Variants in GRM5 observed in about 807,000 individuals in gnomAD.
The protein encoded by GRM5 is glutamate metabotropic receptor 5, also known as metabotropic glutamate receptor 5.
In GRM5, 19 loss-of-function variants were observed where a neutral mutation model predicts 83.1. The observed-to-expected ratio is 0.23, with a 90% CI of 0.16 to 0.34. The LOEUF is 0.34. GRM5 is among the 10% of genes least tolerant of loss of function. The pLI is 1.00. For missense variants in GRM5, 1,160 were observed against 1,588.3 expected (o/e 0.73, Z 4.58); for synonymous variants, 675 against 633.6 (o/e 1.07, Z -0.98).
intron 2 of GRM5, among the ~76,000 whole-genome samples, chr11:88,942,314 C>T (rs945303464): frequency 3.3e-5 from 5 of 151,952 alleles, no homozygotes; most frequent in African/African-American, 1.2e-4. Flanking sequence ...AAGATGTTAA[C>T]AAATGGTGAG....
chr11:88,850,843 A>G (rs1234209940), intron 2 of GRM5, among the ~76,000 whole-genome samples: 1 of 149,464 alleles, frequency 6.7e-6, no homozygotes, highest in East Asian at 2.0e-4. Flanking sequence ...AAATTTGGGG[A>G]CTAAGGACAA....
chr11:88,699,396 T>C (rs958031365), intron 3 of GRM5, among the ~76,000 whole-genome samples: 1 of 152,142 alleles, frequency 6.6e-6, no homozygotes, highest in Non-Finnish European at 1.5e-5. Context: ...TCCTTTAAAA[T>C]GTGTGCAGTA....
chr11:88,643,440 A>G (rs934820972), intron 4 of GRM5, among the ~76,000 whole-genome samples: 3 of 152,196 alleles, frequency 2.0e-5, no homozygotes, highest in Non-Finnish European at 4.4e-5. Context: ...AGCAGAAACA[A>G]ATATCCAAAC....
intron 2 of GRM5, among the ~76,000 whole-genome samples, chr11:89,012,595 A>G (rs1288991337): frequency 6.6e-6 from 1 of 152,248 alleles, no homozygotes; most frequent in Non-Finnish European, 1.5e-5. Context: ...ATCCACTAAG[A>G]GAATCAAGAA....
At chr11:88,753,080 T>C (rs1378576128) in intron 3 of GRM5, among the ~76,000 whole-genome samples, 2 of 152,076 alleles carry the variant, frequency 1.3e-5, no homozygotes, top group African/African-American at 4.8e-5. Context: ...CCAAAAGCAA[T>C]TGCAACAAAA....
intron 4 of GRM5, among the ~76,000 whole-genome samples, chr11:88,617,803 G>A (rs145777280): frequency 3.3e-5 from 5 of 152,238 alleles, no homozygotes; most frequent in South Asian, 2.1e-4. Context: ...GGTGATCTCA[G>A]GGACAGAAAG....
At chr11:88,700,906 A>G (rs1941018088) in intron 3 of GRM5, among the ~76,000 whole-genome samples, 1 of 152,172 alleles carries the variant, frequency 6.6e-6, no homozygotes, top group Non-Finnish European at 1.5e-5. Flanking sequence ...AACAGCTTTA[A>G]CCAATACAGT....
At chr11:88,885,653 A>G (rs1945032797) in intron 2 of GRM5, among the ~76,000 whole-genome samples, 1 of 151,878 alleles carries the variant, frequency 6.6e-6, no homozygotes, top group Non-Finnish European at 1.5e-5. Context: ...CAAACCAAAG[A>G]GGCAATATGC....
chr11:88,587,666 A>C (rs909282781), intron 7 of GRM5, among the ~76,000 whole-genome samples: 1 of 152,106 alleles, frequency 6.6e-6, no homozygotes, highest in African/African-American at 2.4e-5. Context: ...GCAGGTCATA[A>C]AACTCTCATT....
chr11:89,022,055 C>T lies in GRM5; in HGVS notation c.661+25157G>A, dbSNP rs185606388. ...GTGATAGATCATATCCTGGGAGGGG[C>T]TGGTGAAATATTTTTCCCCAGCATA... On this transcript the variant is annotated intron_variant, in intron 2 of 9. Coordinates refer to ENST00000305447, the MANE Select transcript of GRM5 (RefSeq NM_001143831.3). Among the ~76,000 whole-genome samples the T allele has an allele frequency of 2.0e-5, 3 of 152,162 alleles. No homozygotes were observed. In the East Asian group the frequency reaches 5.8e-4, roughly 29 times the overall value.
intron 4 of GRM5, among the ~76,000 whole-genome samples, chr11:88,612,074 G>A (rs992961228): frequency 4.7e-5 from 7 of 149,222 alleles, no homozygotes; most frequent in East Asian, 4.0e-4. Context: ...CCACTAACTC[G>A]TCATCTAGCA....
At chr11:88,913,544 T>A (rs1462679022) in intron 2 of GRM5, among the ~76,000 whole-genome samples, 2 of 150,146 alleles carry the variant, frequency 1.3e-5, no homozygotes, top group Non-Finnish European at 3.0e-5. Flanking sequence ...TTGGTCCCTC[T>A]TTTACAGTTC....
chr11:88,871,521 G>A (rs538680893), intron 2 of GRM5, among the ~76,000 whole-genome samples: 2 of 151,698 alleles, frequency 1.3e-5, no homozygotes, highest in Admixed American at 1.3e-4. Flanking sequence ...ACCTGTAGCA[G>A]CACTGTCTTA....
intron 7 of GRM5, among the ~76,000 whole-genome samples, 196 bp from the exon 8 acceptor site, chr11:88,568,188 A>G (rs998488244): frequency 1.3e-5 from 2 of 152,186 alleles, no homozygotes; most frequent in African/African-American, 4.8e-5. Context: ...GAACATGTAC[A>G]TGGTCTGTGA....
At chr11:88,778,002 G>T (rs529173157) in intron 3 of GRM5, among the ~76,000 whole-genome samples, 34 of 151,068 alleles carry the variant, frequency 2.3e-4, no homozygotes, top group African/African-American at 7.9e-4. Context: ...GTCAGACAGG[G>T]ACGTTTAAGT....
intron 8 of GRM5, among the ~76,000 whole-genome samples, chr11:88,566,406 G>T (rs1048380166): frequency 6.6e-6 from 1 of 152,176 alleles, no homozygotes; most frequent in African/African-American, 2.4e-5. Context: ...CTTGGGGTGG[G>T]ATGAGACTAT....
At chr11:88,903,159 C>G (rs1007351163) in intron 2 of GRM5, among the ~76,000 whole-genome samples, 2 of 151,736 alleles carry the variant, frequency 1.3e-5, no homozygotes, top group African/African-American at 2.4e-5. Flanking sequence ...GAAGCAAATG[C>G]GAAGGCCCTG....
chr11:89,049,753 T>C (rs1350505418), intron 1 of GRM5, among the ~76,000 whole-genome samples: 1 of 152,158 alleles, frequency 6.6e-6, no homozygotes, highest in African/African-American at 2.4e-5. Flanking sequence ...TTTGGGAATA[T>C]ATAGAAAAAA....
intron 3 of GRM5, among the ~76,000 whole-genome samples, chr11:88,719,845 G>A (rs1941491621): frequency 6.6e-6 from 1 of 151,956 alleles, no homozygotes; most frequent in Non-Finnish European, 1.5e-5. Context: ...TATAATTGTT[G>A]GCTGCATGCA....
Sources: gnomAD v4.1 joint callset for allele counts (sites outside exome capture counted in the v4.1 genomes callset) on GRCh38, gnomAD v4.1.1 for gene constraint, MANE v1.5 for transcripts, NCBI Gene and HGNC (gene_info 2026-07-23, HGNC 2026-07-21) for gene names.